The following DPP6 variants were observed in gnomAD, a reference collection of about 807,000 sequenced individuals.
DPP6 encodes the protein dipeptidyl peptidase like 6.
Under a neutral mutation model 122.6 loss-of-function variants are expected in DPP6, and 69 were observed. That is an observed-to-expected ratio of 0.56 (90% CI 0.46 to 0.69). DPP6 has a LOEUF of 0.69. DPP6 is among the 30% of genes least tolerant of loss of function. The pLI, the probability that DPP6 is intolerant of heterozygous loss-of-function variation, is 0.00. For missense variants in DPP6, 928 were observed against 1,116.9 expected, an observed-to-expected ratio of 0.83 and a Z score of 2.41; for synonymous variants, 418 against 433.1, an observed-to-expected ratio of 0.97 and a Z score of 0.43.
chr7:154,545,575 G>A (rs868280125), intron 4 of DPP6, among the ~76,000 whole-genome samples: 5 of 149,110 alleles, frequency 3.4e-5, no homozygotes, highest in Admixed American at 6.8e-5. Flanking sequence ...GAACTAAATA[G>A]ATTTCTTGGG....
At chr7:153,845,576 A>T in the DPP6 span, among the ~76,000 whole-genome samples, 14 of 151,936 alleles carry the variant, frequency 9.2e-5, no homozygotes, top group Admixed American at 9.2e-4. Flanking sequence ...TTTATATTTA[A>T]CCATGACTGT....
chr7:154,333,537 G>T (rs1563496616), intron 1 of DPP6, among the ~76,000 whole-genome samples: 1 of 152,156 alleles, frequency 6.6e-6, no homozygotes, highest in South Asian at 2.1e-4. Context: ...TTCTCTCTCT[G>T]ACAACTCTTA....
the DPP6 span, among the ~76,000 whole-genome samples, chr7:153,862,518 C>G: frequency 3.3e-5 from 5 of 152,246 alleles, no homozygotes; most frequent in African/African-American, 9.6e-5. Flanking sequence ...TCAGCCAACT[C>G]TCATCTAAAC....
chr7:154,461,117 C>T (rs2151317275), intron 2 of DPP6, among the ~76,000 whole-genome samples: 1 of 152,064 alleles, frequency 6.6e-6, no homozygotes, highest in South Asian at 2.1e-4. Flanking sequence ...TCTTTCTGTG[C>T]CAAGTTTGTC....
At chr7:154,495,907 C>T (rs1288783717) in intron 3 of DPP6, among the ~76,000 whole-genome samples, 2 of 152,126 alleles carry the variant, frequency 1.3e-5, no homozygotes, top group Non-Finnish European at 2.9e-5. Flanking sequence ...CACAGCAGTG[C>T]ATTGAGCCAG....
chr7:154,404,525 A>C (rs1467687504), intron 1 of DPP6, among the ~76,000 whole-genome samples: 1 of 152,210 alleles, frequency 6.6e-6, no homozygotes, highest in Non-Finnish European at 1.5e-5. Flanking sequence ...AGAAAATTAC[A>C]AAGGCCAAAT....
chr7:154,688,710 A>T (rs952547848), intron 7 of DPP6, among the ~76,000 whole-genome samples: 43 of 151,952 alleles, frequency 2.8e-4, no homozygotes, highest in Non-Finnish European at 3.2e-4. Flanking sequence ...TCTCTTTTTC[A>T]TGTTTTTCTG....
chr7:153,919,251 C>G (rs946815095), intron 1 of DPP6, among the ~76,000 whole-genome samples: 13 of 152,162 alleles, frequency 8.5e-5, no homozygotes, highest in African/African-American at 2.9e-4. Context: ...TGATCTGACT[C>G]TATGTCATCC....
chr7:153,763,017 G>A, the DPP6 span, among the ~76,000 whole-genome samples: 1 of 152,130 alleles, frequency 6.6e-6, no homozygotes, highest in Non-Finnish European at 1.5e-5. Flanking sequence ...ACTGACAGCC[G>A]TGCATGGTCA....
At chr7:154,887,249 G>T (rs940348073) in intron 22 of DPP6, among the ~76,000 whole-genome samples, 24 of 152,294 alleles carry the variant, frequency 1.6e-4, no homozygotes, top group Admixed American at 8.5e-4. Context: ...GCTGACCGCA[G>T]GGCCTCAGGC....
intron 1 of DPP6, among the ~76,000 whole-genome samples, chr7:154,097,506 G>A (rs192824055): frequency 3.4e-3 from 511 of 152,282 alleles, no homozygotes; most frequent in African/African-American, 0.012. Context: ...ACAGATGATC[G>A]AATTCCTCTG....
intron 1 of DPP6, among the ~76,000 whole-genome samples, chr7:154,141,661 G>A (rs765470478): frequency 1.3e-5 from 2 of 152,174 alleles, no homozygotes; most frequent in Non-Finnish European, 2.9e-5. Flanking sequence ...AAGGGCAGAG[G>A]CCCCCACGCA....
intron 4 of DPP6, among the ~76,000 whole-genome samples, chr7:154,564,474 T>C (rs1320814763): frequency 6.6e-6 from 1 of 152,200 alleles, no homozygotes; most frequent in African/African-American, 2.4e-5. Context: ...AAAACATGCA[T>C]TCATACATCT....
chr7:154,406,055 T>C (rs977670492), intron 1 of DPP6, among the ~76,000 whole-genome samples: 18 of 152,160 alleles, frequency 1.2e-4, no homozygotes, highest in Admixed American at 5.9e-4. Context: ...AAATAAATCT[T>C]ATATTAATGC....
At chr7:154,380,509 A>T (rs889540980) in intron 1 of DPP6, among the ~76,000 whole-genome samples, 1 of 152,222 alleles carries the variant, frequency 6.6e-6, no homozygotes, top group Non-Finnish European at 1.5e-5. Context: ...TAGCATAGGT[A>T]GCATGGGGCA....
intron 3 of DPP6, among the ~76,000 whole-genome samples, chr7:154,528,332 A>G (rs1827575020): frequency 6.6e-6 from 1 of 152,212 alleles, no homozygotes; most frequent in African/African-American, 2.4e-5. Flanking sequence ...CTTTGCAATT[A>G]TAAGGATAAA....
At chr7:154,610,585 C>G (rs567329960) in intron 5 of DPP6, among the ~76,000 whole-genome samples, 29 of 152,242 alleles carry the variant, frequency 1.9e-4, no homozygotes, top group Admixed American at 1.2e-3. Flanking sequence ...GCTTCTACGG[C>G]CAACATTCTG....
At chr7:154,769,918 G>A (rs1162736324) in intron 9 of DPP6, among the ~76,000 whole-genome samples, 1 of 152,130 alleles carries the variant, frequency 6.6e-6, no homozygotes, top group African/African-American at 2.4e-5. Context: ...CTCTGGGAAG[G>A]CAGAAAGACT....
intron 1 of DPP6, among the ~76,000 whole-genome samples, chr7:153,912,514 C>G (rs766253502): frequency 6.6e-6 from 1 of 152,106 alleles, no homozygotes; most frequent in Non-Finnish European, 1.5e-5. Flanking sequence ...GAATTTGGTG[C>G]TTAGAAGGAT....
Sources: gnomAD v4.1 joint callset for allele counts (sites outside exome capture counted in the v4.1 genomes callset) on GRCh38, gnomAD v4.1.1 for gene constraint, MANE v1.5 for transcripts, NCBI Gene and HGNC (gene_info 2026-07-23, HGNC 2026-07-21) for gene names.